Variants in PRELID2 observed in about 807,000 individuals in gnomAD.
The protein encoded by PRELID2 is PRELI domain containing 2.
PRELID2 carries 25 observed loss-of-function variants against 28.4 expected under a neutral mutation model. That is an observed-to-expected ratio of 0.88 (90% CI 0.64 to 1.23). The LOEUF (loss-of-function observed/expected upper bound fraction) is 1.23. Among genes scored for constraint, PRELID2 ranks in the 50% most tolerant of loss-of-function variants. PRELID2 has a pLI of 0.00. For missense variants in PRELID2, 201 were observed against 214.4 expected (o/e 0.94, Z 0.39); for synonymous variants, 76 against 71.6 (o/e 1.06, Z -0.31).
At chr5:145,431,006 GTTTTTTTTTTTTTTTT>G in the PRELID2 span, among the ~76,000 whole-genome samples, 2 of 55,560 alleles carry the variant, frequency 3.6e-5, no homozygotes, top group South Asian at 8.4e-4. Flanking sequence ...CCTGGCAATG[GTTTTTTTTTTTTTTTT>G]TTTTTTTTTT....
At chr5:145,521,535 G>T (rs762920161) in intron 1 of PRELID2, among the ~76,000 whole-genome samples, 1 of 151,438 alleles carries the variant, frequency 6.6e-6, no homozygotes, top group Non-Finnish European at 1.5e-5. Flanking sequence ...TAAAATCACT[G>T]TGTATACTGT....
chr5:145,829,448 A>G (rs1369972131), intron 1 of PRELID2, among the ~76,000 whole-genome samples: 1 of 152,214 alleles, frequency 6.6e-6, no homozygotes, highest in Non-Finnish European at 1.5e-5. Flanking sequence ...ATCATTATTC[A>G]ACAAGTACTT....
At chr5:145,653,779 G>A (rs1243839988) in intron 1 of PRELID2, among the ~76,000 whole-genome samples, 1 of 152,180 alleles carries the variant, frequency 6.6e-6, no homozygotes, top group Non-Finnish European at 1.5e-5. Flanking sequence ...AGCATTAAAT[G>A]CCCACAAGAG....
downstream of PRELID2, among the ~76,000 whole-genome samples, chr5:145,752,384 C>G (rs931316616): frequency 6.6e-6 from 1 of 152,142 alleles, no homozygotes; most frequent in Non-Finnish European, 1.5e-5. Flanking sequence ...TTAATGCAAT[C>G]GGAAACCATA....
At chr5:145,309,663 G>A in the PRELID2 span, among the ~76,000 whole-genome samples, 1 of 152,140 alleles carries the variant, frequency 6.6e-6, no homozygotes. Context: ...CAAGTGCTAT[G>A]TTCAGTCTTC....
intron 1 of PRELID2, among the ~76,000 whole-genome samples, chr5:145,658,235 A>G (rs934798178): frequency 6.6e-6 from 1 of 152,236 alleles, no homozygotes; most frequent in African/African-American, 2.4e-5. Flanking sequence ...AAGAAGAGTG[A>G]AAGCAAAACC....
chr5:145,412,096 G>A, the PRELID2 span, among the ~76,000 whole-genome samples: 3 of 152,134 alleles, frequency 2.0e-5, no homozygotes, highest in Non-Finnish European at 4.4e-5. Flanking sequence ...AGGGGCTGCT[G>A]TGAAGGTCTC....
chr5:145,323,464 A>T, the PRELID2 span, among the ~76,000 whole-genome samples: 917 of 152,234 alleles, frequency 6.0e-3, 9 homozygotes, highest in African/African-American at 0.021. Flanking sequence ...ATGTATTTTT[A>T]AAAAAACACT....
At chr5:145,268,845 A>G in the PRELID2 span, among the ~76,000 whole-genome samples, 2 of 152,300 alleles carry the variant, frequency 1.3e-5, no homozygotes, top group Admixed American at 1.3e-4. Flanking sequence ...TGAAGATCAT[A>G]GAATATAAAG....
At chr5:145,753,440 T>C (rs1757178222), downstream of PRELID2, among the ~76,000 whole-genome samples, 1 of 152,212 alleles carries the variant, frequency 6.6e-6, no homozygotes, top group African/African-American at 2.4e-5. Context: ...TTTTAGAATC[T>C]CTTTTCTTCT....
At chr5:145,412,032 C>T in the PRELID2 span, among the ~76,000 whole-genome samples, 1 of 152,132 alleles carries the variant, frequency 6.6e-6, no homozygotes, top group Non-Finnish European at 1.5e-5. Context: ...TCCCTGGGCC[C>T]AGGCCAGAAA....
intron 5 of PRELID2, among the ~76,000 whole-genome samples, chr5:145,768,278 C>A (rs1191962008): frequency 5.4e-5 from 8 of 147,212 alleles, no homozygotes; most frequent in Admixed American, 5.4e-4. Flanking sequence ...GGACAAGGGA[C>A]GAAACAACCA....
At chr5:145,426,687 G>A in the PRELID2 span, among the ~76,000 whole-genome samples, 1 of 151,988 alleles carries the variant, frequency 6.6e-6, no homozygotes, top group Non-Finnish European at 1.5e-5. Flanking sequence ...TATTTTACAG[G>A]TGAGAAAACA....
At chr5:145,620,206 A>G (rs774311595) in intron 1 of PRELID2, among the ~76,000 whole-genome samples, 16 of 152,214 alleles carry the variant, frequency 1.1e-4, no homozygotes, top group Non-Finnish European at 2.1e-4. Context: ...TTGAATGCTG[A>G]ACAACATAAA....
intron 1 of PRELID2, among the ~76,000 whole-genome samples, chr5:145,708,005 C>T (rs778276445): frequency 4.6e-5 from 7 of 152,130 alleles, no homozygotes; most frequent in Non-Finnish European, 1.0e-4. Context: ...CAATAAATAC[C>T]TGTTGAATAA....
At chr5:145,430,620 C>T in the PRELID2 span, among the ~76,000 whole-genome samples, 1 of 152,088 alleles carries the variant, frequency 6.6e-6, no homozygotes, top group Non-Finnish European at 1.5e-5. Flanking sequence ...ATGTCTATGC[C>T]ATTGTTTCTC....
At chr5:145,616,572 C>G (rs1026205096) in intron 1 of PRELID2, among the ~76,000 whole-genome samples, 3 of 152,068 alleles carry the variant, frequency 2.0e-5, no homozygotes, top group Admixed American at 6.6e-5. Flanking sequence ...CTGTGATGCC[C>G]CCCAAGCCGT....
chr5:145,528,351 G>C (rs763196265), intron 1 of PRELID2, among the ~76,000 whole-genome samples: 16 of 152,048 alleles, frequency 1.1e-4, no homozygotes, highest in Non-Finnish European at 1.9e-4. Flanking sequence ...TAGATACTCA[G>C]TAACTATTTG....
chr5:145,583,653 A>G (rs1337952515), intron 1 of PRELID2, among the ~76,000 whole-genome samples: 1 of 152,082 alleles, frequency 6.6e-6, no homozygotes, highest in African/African-American at 2.4e-5. Context: ...GCAACAGGCA[A>G]GCAGAGAGCC....
Sources: gnomAD v4.1 joint callset for allele counts (sites outside exome capture counted in the v4.1 genomes callset) on GRCh38, gnomAD v4.1.1 for gene constraint, MANE v1.5 for transcripts, NCBI Gene and HGNC (gene_info 2026-07-23, HGNC 2026-07-21) for gene names.